Variants in GSE1 observed in about 807,000 individuals in gnomAD.
The protein encoded by GSE1 is genetic suppressor element 1.
In GSE1, 32 loss-of-function variants were observed where a neutral mutation model predicts 112.6. The ratio of observed to expected loss-of-function variants is 0.28; its 90% CI spans 0.21 to 0.38. GSE1 has a LOEUF of 0.38. Among genes scored for constraint, GSE1 ranks in the 10% least tolerant of loss-of-function variants. The probability of loss-of-function intolerance (pLI) is 1.00; values close to 1 mark genes in which losing one functional copy is unlikely to be tolerated. For synonymous variants in GSE1, 1,115 were observed against 735.6 expected (o/e 1.52, Z -8.35); for missense variants, 2,348 against 1,699.2 (o/e 1.38, Z -6.71).
Position 85,269,848 on chromosome 16 carries a change from C to A in GSE1, c.2284-87615C>A, listed in dbSNP as rs116507851. ...TGGCACCGTAGGTGGGATGCCTGTG[C>A]CCTACACACACGCCATGTTGATGAC... On this transcript the variant is annotated intron_variant, in intron 1 of 2. Coordinates refer to the GSE1 transcript ENST00000637419. Among the ~76,000 whole-genome samples, 1,361 of 149,556 alleles carry A rather than the reference C, an allele frequency of 9.1e-3. 45 individuals are homozygous for A. Among genetic ancestry groups the A allele is most frequent in the African/African-American group, 0.031 (1,298 of 41,412 alleles).
At chr16:85,360,291 G>T (rs1473601865) in intron 2 of GSE1, among the ~76,000 whole-genome samples, 1 of 152,080 alleles carries the variant, frequency 6.6e-6, no homozygotes, top group Non-Finnish European at 1.5e-5. Flanking sequence ...GAAGGGTGCA[G>T]AGGTTGTGGG....
At position 85,453,167 on chromosome 16, in the gene GSE1, C is replaced by T. The variant is rs538261977; in HGVS notation, c.2464+95524C>T. On this transcript the variant is annotated intron_variant, in intron 2 of 2. Transcript: ENST00000637419. ...AGGCAGTCCTTTCCAGCTCCCGTAT[C>T]GGGGGAAGGTTCTAGATTTAGACAT... Among the ~76,000 whole-genome samples the T allele has an allele frequency of 2.0e-4, 30 of 152,188 alleles. No homozygotes were observed. The South Asian group carries it at 3.5e-3, about 18-fold the overall frequency.
intron 1 of GSE1, among the ~76,000 whole-genome samples, chr16:85,342,991 G>A (rs992541409): frequency 6.6e-6 from 1 of 152,020 alleles, no homozygotes; most frequent in Non-Finnish European, 1.5e-5. Flanking sequence ...GCAGGCAGCA[G>A]GGAGTGGGGA....
At chr16:85,510,112 G>A (rs905313018) in intron 2 of GSE1, among the ~76,000 whole-genome samples, 3 of 152,292 alleles carry the variant, frequency 2.0e-5, no homozygotes, top group Non-Finnish European at 4.4e-5. Context: ...AGATGTACCC[G>A]CCCTGGAGCC....
Position 85,671,370 on chromosome 16 carries a change from G to A in GSE1, c.3519+272G>A, listed in dbSNP as rs1346659056. On this transcript the variant is annotated intron_variant, in intron 15 of 15. Transcript: ENST00000253458. ...CAGGAGAATGGCGTGAACCCGGGAG[G>A]CGGAGCTTGCAGTGAGCCGAGATTG... Among the ~76,000 whole-genome samples, 5 of 143,894 alleles carry A rather than the reference G, an allele frequency of 3.5e-5. No homozygotes were observed. The East Asian group carries it at 1.0e-3, about 30-fold the overall frequency. The allele number at this position is 143,894 out of a possible 152,430, so 94.4% of individuals were successfully genotyped here.
chr16:85,176,354 C>T (rs1411427925), intron 1 of GSE1, among the ~76,000 whole-genome samples: 3 of 152,248 alleles, frequency 2.0e-5, no homozygotes, highest in South Asian at 2.1e-4. Context: ...GCCTCTAGAA[C>T]ATCTCAGGGG....
chr16:85,665,262 C>T (rs985417523), intron 12 of GSE1, 134 bp downstream of exon 12: 2 of 617,366 alleles, frequency 3.2e-6, no homozygotes, highest in Non-Finnish European at 5.8e-6. Context: ...ATTCTTGTAC[C>T]AGCGTACGAT....
At chr16:85,345,530 C>T (rs2046716542) in intron 1 of GSE1, among the ~76,000 whole-genome samples, 1 of 152,202 alleles carries the variant, frequency 6.6e-6, no homozygotes, top group Non-Finnish European at 1.5e-5. Context: ...TCCTCGTTTC[C>T]TTCAGGTCTT....
At chr16:85,323,217 G>T (rs2046151868) in intron 1 of GSE1, among the ~76,000 whole-genome samples, 1 of 152,174 alleles carries the variant, frequency 6.6e-6, no homozygotes, top group South Asian at 2.1e-4. Context: ...TGGGTCACAT[G>T]GTTCAATAGA....
upstream of GSE1, among the ~76,000 whole-genome samples, chr16:85,611,702 C>G (rs1489229215): frequency 6.6e-6 from 1 of 152,104 alleles, no homozygotes; most frequent in African/African-American, 2.4e-5. Context: ...CCTGAGGGAG[C>G]CCGCCAGACC....
chr16:85,400,499 TTGTG>T (rs1567736874), intron 2 of GSE1, among the ~76,000 whole-genome samples: 1 of 151,534 alleles, frequency 6.6e-6, no homozygotes, highest in Non-Finnish European at 1.5e-5. Flanking sequence ...TGTGGGTGTG[TTGTG>T]TGTGTCTGTG....
At chr16:85,421,634 C>T (rs539635102) in intron 2 of GSE1, among the ~76,000 whole-genome samples, 1 of 152,314 alleles carries the variant, frequency 6.6e-6, no homozygotes, top group South Asian at 2.1e-4. Context: ...CAGGCCCGAG[C>T]TTGTGAACGG....
intron 1 of GSE1, among the ~76,000 whole-genome samples, chr16:85,590,282 ATG>A (rs924952235): frequency 4.3e-5 from 6 of 138,044 alleles, no homozygotes; most frequent in African/African-American, 1.6e-4. Context: ...TTGTGTGAAC[ATG>A]TGTGACTGTG....
At chr16:85,259,590 C>T (rs145003303) in intron 1 of GSE1, among the ~76,000 whole-genome samples, 1 of 152,222 alleles carries the variant, frequency 6.6e-6, no homozygotes, top group African/African-American at 2.4e-5. Flanking sequence ...GTGGGAGGAG[C>T]TGCTTGTCCT....
intron 2 of GSE1, among the ~76,000 whole-genome samples, chr16:85,518,380 C>T (rs2052024941): frequency 6.6e-6 from 1 of 152,180 alleles, no homozygotes; most frequent in African/African-American, 2.4e-5. Flanking sequence ...CCGGAACCGT[C>T]CTGTGTGCTG....
intron 1 of GSE1, among the ~76,000 whole-genome samples, chr16:85,187,052 G>A (rs1037652171): frequency 1.3e-5 from 2 of 152,184 alleles, no homozygotes; most frequent in Admixed American, 6.5e-5. Flanking sequence ...GTGCAGTGAC[G>A]CAGCCACGCT....
chr16:85,409,029 C>T (rs1342845221), intron 2 of GSE1, among the ~76,000 whole-genome samples: 4 of 8,650 alleles, frequency 4.6e-4, no homozygotes, highest in African/African-American at 1.0e-3. Flanking sequence ...TAATCCTCAC[C>T]GTTACACTCA....
intron 1 of GSE1, among the ~76,000 whole-genome samples, chr16:85,332,477 A>T (rs1246888883): frequency 1.3e-5 from 2 of 152,052 alleles, no homozygotes; most frequent in Admixed American, 1.3e-4. Flanking sequence ...AGGGGATGTG[A>T]CTTCCCCAAG....
chr16:85,408,689 C>T (rs1402187763), intron 2 of GSE1, among the ~76,000 whole-genome samples: 13 of 51,122 alleles, frequency 2.5e-4, no homozygotes, highest in Non-Finnish European at 3.3e-4. Context: ...CAGGGCCCCC[C>T]GGATAATCCT....
Sources: gnomAD v4.1 joint callset for allele counts (sites outside exome capture counted in the v4.1 genomes callset) on GRCh38, gnomAD v4.1.1 for gene constraint, MANE v1.5 for transcripts, NCBI Gene and HGNC (gene_info 2026-07-23, HGNC 2026-07-21) for gene names.